The following COL19A1 variants were observed in gnomAD, a reference collection of about 807,000 sequenced individuals.
The protein encoded by COL19A1 is collagen alpha-1(XIX) chain.
A neutral mutation model predicts 190.2 loss-of-function variants in COL19A1; 159 were observed. The ratio of observed to expected loss-of-function variants is 0.84; its 90% CI spans 0.73 to 0.95. COL19A1 has a LOEUF of 0.95. COL19A1 is among the 40% of genes least tolerant of loss of function. The pLI is 0.00. For synonymous variants in COL19A1, 509 were observed against 458.9 expected (o/e 1.11, Z -1.39); for missense variants, 1,418 against 1,431.9 (o/e 0.99, Z 0.16).
intron 14 of COL19A1, among the ~76,000 whole-genome samples, chr6:70,054,596 G>T (rs572730771): frequency 4.5e-4 from 69 of 152,228 alleles, no homozygotes; most frequent in African/African-American, 1.6e-3. Flanking sequence ...GCCTTAACTT[G>T]TTTAATGTTT....
At position 70,212,141 on chromosome 6, in the gene COL19A1, T is replaced by C. The variant is rs1420295866; in HGVS notation, c.*4867T>C. Among the ~76,000 whole-genome samples the C allele has an allele frequency of 6.6e-6, 1 of 152,222 alleles. No homozygotes were observed. The highest frequency in any genetic ancestry group is 1.9e-4 in the East Asian group (1 of 5,204). On this transcript the variant is annotated 3_prime_UTR_variant, in exon 51 of 51. Coordinates refer to ENST00000620364, the MANE Select transcript of COL19A1 (RefSeq NM_001858.6). ...GCTATTTTACAACTTTTTATTGTAT[T>C]GTGTTATGCAAAGTACATTTTGGAG... is the stretch of plus-strand genomic sequence containing the variant.
chr6:70,046,045 C>G (rs1292899593), intron 14 of COL19A1, among the ~76,000 whole-genome samples: 3 of 152,272 alleles, frequency 2.0e-5, no homozygotes, highest in African/African-American at 7.2e-5. Flanking sequence ...ACTGGGCCAT[C>G]CTGGAAGCCC....
At chr6:69,981,260 C>T (rs1403692788) in intron 11 of COL19A1, among the ~76,000 whole-genome samples, 1 of 152,052 alleles carries the variant, frequency 6.6e-6, no homozygotes, top group Non-Finnish European at 1.5e-5. Context: ...GAGTGAGTGT[C>T]ATTAACAAGA....
intron 14 of COL19A1, among the ~76,000 whole-genome samples, chr6:70,058,227 A>G (rs1445040009): frequency 1.3e-5 from 2 of 152,058 alleles, no homozygotes; most frequent in African/African-American, 4.8e-5. Flanking sequence ...TCCTGCAACC[A>G]CATGGAACGA....
intron 44 of COL19A1, among the ~76,000 whole-genome samples, chr6:70,182,217 G>C (rs1766219268): frequency 6.6e-6 from 1 of 152,208 alleles, no homozygotes; most frequent in South Asian, 2.1e-4. Flanking sequence ...GTACATTGAA[G>C]AGAGAGCCAG....
At chr6:70,004,324 C>G (rs969842841) in intron 11 of COL19A1, among the ~76,000 whole-genome samples, 2 of 152,076 alleles carry the variant, frequency 1.3e-5, no homozygotes, top group Non-Finnish European at 2.9e-5. Flanking sequence ...TAATTTCAAC[C>G]TTGGAGAATC....
At chr6:70,168,930 G>A (rs1379544954) in intron 40 of COL19A1, among the ~76,000 whole-genome samples, 1 of 152,212 alleles carries the variant, frequency 6.6e-6, no homozygotes, top group East Asian at 1.9e-4. Flanking sequence ...ATCCTGTGAT[G>A]GAGGAAGACA....
intron 16 of COL19A1, among the ~76,000 whole-genome samples, chr6:70,118,813 A>T (rs1582955948): frequency 7.2e-6 from 1 of 139,592 alleles, no homozygotes; most frequent in Non-Finnish European, 1.5e-5. Flanking sequence ...GTTTTTAGTG[A>T]GTTGTGCCCT....
At chr6:69,886,516 G>A (rs1768949379) in intron 2 of COL19A1, among the ~76,000 whole-genome samples, 1 of 152,060 alleles carries the variant, frequency 6.6e-6, no homozygotes, top group Non-Finnish European at 1.5e-5. Context: ...ACCTTGTGAA[G>A]ATATATCTGC....
At chr6:70,113,747 C>A (rs573356246) in intron 16 of COL19A1, among the ~76,000 whole-genome samples, 2 of 151,674 alleles carry the variant, frequency 1.3e-5, no homozygotes, top group South Asian at 4.2e-4. Context: ...TGATTTTGAA[C>A]TTCCTTGTGT....
intron 1 of COL19A1, among the ~76,000 whole-genome samples, chr6:69,873,867 G>T (rs1767979632): frequency 1.3e-5 from 2 of 152,148 alleles, no homozygotes; most frequent in African/African-American, 2.4e-5. Context: ...AAAAAAATTT[G>T]AGGGCCTTAA....
chr6:69,985,869 T>C (rs1161256535), intron 11 of COL19A1, among the ~76,000 whole-genome samples: 1 of 152,146 alleles, frequency 6.6e-6, no homozygotes, highest in Non-Finnish European at 1.5e-5. Flanking sequence ...AAAATGCATA[T>C]TTAAGGACTT....
chr6:70,154,117 A>AC (rs1562225870), intron 31 of COL19A1, among the ~76,000 whole-genome samples: 7 of 99,412 alleles, frequency 7.0e-5, no homozygotes, highest in Non-Finnish European at 1.2e-4. Context: ...ACCCCCCCCA[A>AC]CCCCCCACAG....
intron 11 of COL19A1, among the ~76,000 whole-genome samples, chr6:70,010,553 G>A (rs913717319): frequency 1.4e-5 from 2 of 142,070 alleles, no homozygotes; most frequent in South Asian, 2.2e-4. Context: ...CCTGGGAAGC[G>A]CAAGGGGTCA....
intron 31 of COL19A1, among the ~76,000 whole-genome samples, chr6:70,152,578 C>T (rs1398041781): frequency 1.3e-5 from 2 of 152,074 alleles, no homozygotes; most frequent in African/African-American, 2.4e-5. Flanking sequence ...ACATGCCACT[C>T]AATATGCCAC....
At chr6:70,117,720 G>T (rs2150207328) in intron 16 of COL19A1, among the ~76,000 whole-genome samples, 1 of 152,236 alleles carries the variant, frequency 6.6e-6, no homozygotes, top group East Asian at 1.9e-4. Context: ...CTCTGTAATT[G>T]TATACTCACC....
intron 4 of COL19A1, among the ~76,000 whole-genome samples, chr6:69,909,066 C>T (rs1770737124): frequency 6.6e-6 from 1 of 152,018 alleles, no homozygotes; most frequent in African/African-American, 2.4e-5. Context: ...ACTATTATTG[C>T]CTTCAAAGAA....
intron 8 of COL19A1, 42 bp from the exon 9 acceptor site, chr6:69,937,996 G>A: frequency 6.3e-7 from 1 of 1,595,104 alleles, no homozygotes; most frequent in Non-Finnish European, 8.6e-7. Context: ...TTAGATCAAT[G>A]TGACAGAATG....
At chr6:70,162,689 T>C (rs934868092) in intron 35 of COL19A1, among the ~76,000 whole-genome samples, 2 of 152,208 alleles carry the variant, frequency 1.3e-5, no homozygotes, top group East Asian at 1.9e-4. Context: ...TTAGAGTTCC[T>C]ATGCCAATAG....
Sources: gnomAD v4.1 joint callset for allele counts (sites outside exome capture counted in the v4.1 genomes callset) on GRCh38, gnomAD v4.1.1 for gene constraint, MANE v1.5 for transcripts, NCBI Gene and HGNC (gene_info 2026-07-23, HGNC 2026-07-21) for gene names.